Variants in PCNX2 observed in about 807,000 individuals in gnomAD.
The protein encoded by PCNX2 is pecanex-like protein 2.
A neutral mutation model predicts 223.8 loss-of-function variants in PCNX2; 168 were observed. That is an observed-to-expected ratio of 0.75 (90% CI 0.66 to 0.85). The LOEUF (loss-of-function observed/expected upper bound fraction) is 0.85. Among genes scored for constraint, PCNX2 ranks in the 40% least tolerant of loss-of-function variants. The pLI is 0.00. For synonymous variants in PCNX2, 1,006 were observed against 1,052.6 expected (o/e 0.96, Z 0.86); for missense variants, 2,507 against 2,675.5 (o/e 0.94, Z 1.39).
chr1:233,299,158 C>T (rs148350345), upstream of PCNX2, among the ~76,000 whole-genome samples: 2 of 152,240 alleles, frequency 1.3e-5, no homozygotes, highest in East Asian at 1.9e-4. Flanking sequence ...GCCGATGAAA[C>T]CACAATCCAC....
intron 8 of PCNX2, among the ~76,000 whole-genome samples, chr1:233,246,033 A>G (rs1020965672): frequency 6.6e-6 from 1 of 152,236 alleles, no homozygotes; most frequent in Admixed American, 6.5e-5. Flanking sequence ...GGAAAATCCT[A>G]TCACCTGGGA....
chr1:233,167,983 T>A, intron 17 of PCNX2: 1 of 279,748 alleles, frequency 3.6e-6, no homozygotes, highest in Non-Finnish European at 5.4e-6. Flanking sequence ...TTCCTTCACG[T>A]TTGAAGGTTA....
intron 19 of PCNX2, among the ~76,000 whole-genome samples, chr1:233,155,360 T>C (rs1310591224): frequency 6.6e-6 from 1 of 152,188 alleles, no homozygotes; most frequent in Non-Finnish European, 1.5e-5. Context: ...ATAGGCTTAT[T>C]TACCAGATTA....
chr1:233,285,845 A>G (rs140142833), intron 1 of PCNX2, among the ~76,000 whole-genome samples: 22 of 152,402 alleles, frequency 1.4e-4, no homozygotes, highest in African/African-American at 5.3e-4. Context: ...GACTAGTCAA[A>G]TAAGTTGCCC....
chr1:233,315,128 G>C, the PCNX2 span, among the ~76,000 whole-genome samples: 2 of 152,178 alleles, frequency 1.3e-5, no homozygotes, highest in African/African-American at 4.8e-5. Flanking sequence ...CATGAGGTTA[G>C]ATAAAGCAGC....
chr1:233,276,089 T>C (rs888962431), intron 1 of PCNX2, among the ~76,000 whole-genome samples: 1 of 152,080 alleles, frequency 6.6e-6, no homozygotes, highest in African/African-American at 2.4e-5. Context: ...CAACAAATCT[T>C]TGAATAAACA....
chr1:232,999,929 T>G (rs1670021883), intron 30 of PCNX2, among the ~76,000 whole-genome samples: 1 of 152,336 alleles, frequency 6.6e-6, no homozygotes, highest in South Asian at 2.1e-4. Context: ...GAGGAGCCAT[T>G]GGGAATAAGG....
At chr1:233,026,137 G>A (rs756114989) in intron 25 of PCNX2, among the ~76,000 whole-genome samples, 1 of 152,184 alleles carries the variant, frequency 6.6e-6, no homozygotes, top group African/African-American at 2.4e-5. Flanking sequence ...GGAATGACAG[G>A]GTGGGAATAG....
chr1:233,221,714 T>C (rs930359503), intron 10 of PCNX2, among the ~76,000 whole-genome samples: 1 of 152,004 alleles, frequency 6.6e-6, no homozygotes, highest in African/African-American at 2.4e-5. Context: ...GGCTGGGGAA[T>C]AGGAAAGGAC....
chr1:233,027,486 A>C (rs1056883877), intron 25 of PCNX2, among the ~76,000 whole-genome samples: 4 of 152,176 alleles, frequency 2.6e-5, no homozygotes, highest in African/African-American at 7.2e-5. Flanking sequence ...TTTCCAAAGA[A>C]GCATCACTTA....
At chr1:233,141,591 G>A (rs936287082) in intron 19 of PCNX2, among the ~76,000 whole-genome samples, 6 of 152,128 alleles carry the variant, frequency 3.9e-5, no homozygotes, top group Admixed American at 1.3e-4. Context: ...ACTTGAACCC[G>A]GAACCCGGGA....
intron 10 of PCNX2, among the ~76,000 whole-genome samples, chr1:233,226,107 CT>C (rs1485339580): frequency 6.6e-6 from 1 of 152,158 alleles, no homozygotes; most frequent in Non-Finnish European, 1.5e-5. Flanking sequence ...TCAGCAATTG[CT>C]TATGGCAGCA....
At chr1:233,059,871 G>A (rs1052901334) in intron 23 of PCNX2, among the ~76,000 whole-genome samples, 6 of 152,144 alleles carry the variant, frequency 3.9e-5, no homozygotes, top group Non-Finnish European at 7.4e-5. Context: ...AGAAACCTAA[G>A]AATGCAGCCT....
chr1:233,274,784 T>C (rs1660825108), intron 1 of PCNX2, among the ~76,000 whole-genome samples: 1 of 152,218 alleles, frequency 6.6e-6, no homozygotes. Flanking sequence ...ATGCGGTATT[T>C]GAAGTCAGAA....
chr1:233,058,669 T>TC (rs1318200534), intron 23 of PCNX2, among the ~76,000 whole-genome samples: 6 of 143,090 alleles, frequency 4.2e-5, no homozygotes, highest in African/African-American at 1.6e-4. Context: ...TCTTTTCTTT[T>TC]TTTTTTTTTT....
At chr1:233,046,808 T>C (rs1223862875) in intron 25 of PCNX2, among the ~76,000 whole-genome samples, 1 of 152,202 alleles carries the variant, frequency 6.6e-6, no homozygotes, top group East Asian at 1.9e-4. Context: ...GGTATGTTGT[T>C]GTAATATTGA....
intron 21 of PCNX2, among the ~76,000 whole-genome samples, chr1:233,102,840 C>T (rs1674562139): frequency 6.6e-6 from 1 of 151,900 alleles, no homozygotes; most frequent in Admixed American, 6.6e-5. Flanking sequence ...TTTATTCTTT[C>T]CTTTGCTGTG....
chr1:233,218,856 T>C (rs147026628), intron 10 of PCNX2, among the ~76,000 whole-genome samples: 12 of 152,150 alleles, frequency 7.9e-5, no homozygotes, highest in Non-Finnish European at 1.6e-4. Flanking sequence ...TTCCTTTCAA[T>C]GGAAGGGGGT....
intron 2 of PCNX2, 107 bp downstream of exon 2, chr1:233,262,851 T>C: frequency 2.0e-6 from 2 of 1,004,246 alleles, no homozygotes; most frequent in Non-Finnish European, 2.9e-6. Context: ...AATGCATATA[T>C]TTCTGTCTGC....
Sources: allele counts gnomAD v4.1 joint callset (sites outside exome capture counted in the v4.1 genomes callset), GRCh38; gene constraint gnomAD v4.1.1; transcripts MANE v1.5; gene names NCBI Gene and HGNC (gene_info 2026-07-23, HGNC 2026-07-21).